Variants in KIF19 observed in about 807,000 individuals in gnomAD.
The protein encoded by KIF19 is kinesin-like protein KIF19.
Under a neutral mutation model 106.6 loss-of-function variants are expected in KIF19, and 98 were observed. The observed-to-expected ratio is 0.92, with a 90% CI of 0.78 to 1.09. The LOEUF is 1.09. KIF19 is among the 50% of genes least tolerant of loss of function. The pLI is 0.00. For missense variants in KIF19, 1,373 were observed against 1,414.3 expected (o/e 0.97, Z 0.47); for synonymous variants, 516 against 584.2 (o/e 0.88, Z 1.68).
In KIF19 at chr17:74,344,742, T is replaced by C; in HGVS notation, c.583-19T>C. 1 of 1,593,636 alleles carries C rather than the reference T, an allele frequency of 6.3e-7. No individual in the cohort carries two copies. The highest frequency in any genetic ancestry group is 1.1e-5 in the South Asian group (1 of 90,264). On this transcript the variant is annotated intron_variant, in intron 6 of 19. Coordinates refer to ENST00000389916, the MANE Select transcript of KIF19 (RefSeq NM_153209.4). The stretch of plus-strand genomic sequence containing the variant: ...CCTACGGCAGTCGCTAAGAGCTGCC[T>C]CTCCTCCCTCCCACCCAGATCATGC...
intron 10 of KIF19, 46 bp downstream of exon 10, chr17:74,349,395 T>C (rs1598394626): frequency 6.6e-7 from 1 of 1,524,064 alleles, no homozygotes; most frequent in Non-Finnish European, 8.8e-7. Context: ...CCGGCCAGCC[T>C]CACGTTGCTC....
In KIF19 at chr17:74,345,028, C is replaced by G. The variant is rs567779129; in HGVS notation, c.777+73C>G. 2.6e-5 allele frequency: 36 copies of G among 1,399,272 alleles called. No individual in the cohort carries two copies. In the African/African-American group the frequency reaches 4.7e-4, roughly 18 times the overall value. The allele number at this position is 1,399,272 out of a possible 1,614,324, so 86.7% of individuals were successfully genotyped here. A position where few individuals can be genotyped will look rare whatever the true frequency, so the allele number is the denominator to read the frequency against. ...CAACAGCGGAGGGCAGGAATGGTGA[C>G]TCCCATGCAAGGCCAGCACCACAGG... On this transcript the variant is annotated intron_variant, in intron 7 of 19. Transcript: ENST00000389916.
rs570449855 is a variant in KIF19 at position 74,347,988 on chromosome 17, T to G, written c.1047+89T>G. The G allele has an allele frequency of 3.2e-4, 455 of 1,443,882 alleles. 3 individuals carry two copies. The African/African-American group carries it at 5.2e-3, about 17-fold the overall frequency. The allele number at this position is 1,443,882 out of a possible 1,614,324, so 89.4% of individuals were successfully genotyped here. On this transcript the variant is annotated intron_variant, in intron 9 of 19. Transcript: ENST00000389916. ...TGATCCCTGCCACCCCACTGCACTC[T>G]CTGGAACCAGCCACTGCTGCACTGG...
At chr17:74,344,104 G>A (rs778154486) in intron 5 of KIF19, 119 bp from the exon 6 acceptor site, 2 of 963,106 alleles carry the variant, frequency 2.1e-6, no homozygotes, top group Non-Finnish European at 3.0e-6. Context: ...AAGAGCCTGG[G>A]CTCAGGAAGG....
rs1012807545 is a variant in KIF19, at chr17:74,346,189, C to G, written c.778-189C>G. On this transcript the variant is annotated intron_variant, in intron 7 of 19. Transcript: ENST00000389916. The surrounding 1 kb of genome is among the most constrained non-coding windows in gnomAD (Gnocchi z 4.6). The stretch of plus-strand genomic sequence containing the variant: ...CCTCAGAAGCTGTCAGCCCATCACT[C>G]TTGTTCAGAGGCCTCTGGGTCTCTT... Among the ~76,000 whole-genome samples the G allele has an allele frequency of 3.2e-4, 48 of 152,274 alleles. No homozygotes were observed. Among genetic ancestry groups the G allele is most frequent in the African/African-American group, 1.1e-3 (47 of 41,474 alleles).
chr17:74,348,003 T>G (rs1555623347), intron 9 of KIF19, 104 bp downstream of exon 9: 1 of 1,321,008 alleles, frequency 7.6e-7, no homozygotes, highest in Non-Finnish European at 1.0e-6. Context: ...AACCAGCCAC[T>G]GCTGCACTGG....
At chr17:74,342,776 C>T in intron 4 of KIF19, 59 bp downstream of exon 4, 5 of 1,492,410 alleles carry the variant, frequency 3.4e-6, no homozygotes, top group Non-Finnish European at 4.7e-6. Context: ...TCCCCGTCAC[C>T]CTCCAACTAG....
intron 2 of KIF19, among the ~76,000 whole-genome samples, chr17:74,333,863 C>CT (rs368776098): frequency 0.026 from 3,415 of 132,538 alleles, 164 homozygotes; most frequent in African/African-American, 0.084. Context: ...CTTTTTTTTT[C>CT]TTTTTTTTTT....
chr17:74,336,651 G>A (rs1473265748), intron 2 of KIF19, among the ~76,000 whole-genome samples: 1 of 152,172 alleles, frequency 6.6e-6, no homozygotes, highest in Non-Finnish European at 1.5e-5. Flanking sequence ...CCAGGCAGCT[G>A]TTTGTCCACT....
In KIF19 at chr17:74,353,176, T is replaced by C; in HGVS notation, c.2115-20T>C. 6.4e-7 allele frequency: 1 copy of C among 1,563,970 alleles called. No homozygotes were observed. The highest frequency in any genetic ancestry group is 8.7e-7 in the Non-Finnish European group (1 of 1,152,108). Reference sequence around the variant, plus strand: ...AGATAGCCTGGTCTACAGCCACTCATCTTCCTCTGCCAACTTCAGTGAAGG... The same window carrying C: ...AGATAGCCTGGTCTACAGCCACTCACCTTCCTCTGCCAACTTCAGTGAAGG... On this transcript the variant is annotated intron_variant, in intron 15 of 19. Transcript: ENST00000389916.
chr17:74,336,822 A>G (rs1037932713), intron 2 of KIF19, among the ~76,000 whole-genome samples: 1 of 151,510 alleles, frequency 6.6e-6, no homozygotes, highest in African/African-American at 2.4e-5. Context: ...CTCTTTTTTT[A>G]TTTGTTTGTT....
intron 12 of KIF19, chr17:74,351,343 AAAAG>A (rs1334421620): frequency 5.7e-6 from 1 of 176,882 alleles, no homozygotes; most frequent in East Asian, 1.6e-4. Context: ...AAAAAAAAAA[AAAAG>A]CCTAGTGTGG....
At chr17:74,337,437 T>C (rs2054250547) in intron 2 of KIF19, among the ~76,000 whole-genome samples, 1 of 152,142 alleles carries the variant, frequency 6.6e-6, no homozygotes, top group Non-Finnish European at 1.5e-5. Flanking sequence ...CCTTGGCACA[T>C]TGAGTGGAAG....
chr17:74,348,970 T>G, intron 9 of KIF19: 1 of 575,180 alleles, frequency 1.7e-6, no homozygotes, highest in Non-Finnish European at 3.1e-6. Flanking sequence ...GGTGGAGGAA[T>G]GAGGACGTTC....
At chr17:74,333,060 C>T (rs2054135635) in intron 2 of KIF19, among the ~76,000 whole-genome samples, 1 of 152,240 alleles carries the variant, frequency 6.6e-6, no homozygotes, top group Admixed American at 6.5e-5. Context: ...GTCAGCTGCC[C>T]GAGCCCAGAA....
chr17:74,343,090 A>G lies in KIF19; in HGVS notation c.386A>G (p.Asn129Ser), dbSNP rs1444436219. The G allele has an allele frequency of 2.5e-6, 4 of 1,613,316 alleles. No homozygotes were observed. In the South Asian group the frequency reaches 4.4e-5, roughly 18 times the overall value. ...CCTGGCATCTATGTTCAGACCCTCA[A>G]CGACCTCTTCCGTGCCATCGAGGAG... ...QEPGIYVQTLNDLFRAIEETS... is the reference protein window; with the variant it reads ...QEPGIYVQTLSDLFRAIEETS... Residue 129 changes from asparagine to serine, a missense_variant, in exon 5 of 20, where the codon AAC becomes AGC. Transcript: ENST00000389916.
At chr17:74,354,104 G>C (rs1050077776) in intron 17 of KIF19, 58 bp from the exon 18 acceptor site, 1 of 1,531,736 alleles carries the variant, frequency 6.5e-7, no homozygotes, top group Non-Finnish European at 8.8e-7. Flanking sequence ...CATGTCAGAG[G>C]AGGGTGTTGA....
Position 74,352,041 on chromosome 17 carries a change from G to A in KIF19, c.1762G>A (p.Gly588Ser), listed in dbSNP as rs1260939058. ...GCAGTCGCACGCGCTGCTCCGCGAC[G>A]GTGCGCTCCGCCACCGCCACGAGGC... ...EMQSHALLRD[G>S]ALRHRHEAVR... The change falls in exon 13 of 20, where the codon GGT becomes AGT. Residue 588 changes from glycine (G) to serine (S), a missense_variant. Physicochemically the swap from Gly to Ser is moderately conservative, Grantham distance 56. Around this residue, in one of 3 missense-constraint regions of KIF19, gnomAD observed 1,020 missense variants for 1,008.2 expected, o/e 1.01. Transcript: ENST00000389916. 5.1e-6 allele frequency: 8 copies of A among 1,575,922 alleles called. No individual in the cohort carries two copies. Among genetic ancestry groups the A allele is most frequent in the Non-Finnish European group, 6.8e-6 (8 of 1,168,226 alleles).
rs892063582 is a variant in KIF19, at chr17:74,350,920, G to C, written c.1587+15G>C. 2 of 1,612,794 alleles carry C rather than the reference G, an allele frequency of 1.2e-6. No individual in the cohort carries two copies. The highest frequency in any genetic ancestry group is 1.7e-6 in the Non-Finnish European group (2 of 1,179,798). ...GCAAGCAGAAGGTGTCCAGGGTTTG[G>C]GGGGACAAGGAGAGTGGGTTTAGGG... On this transcript the variant is annotated intron_variant, in intron 12 of 19. Coordinates refer to ENST00000389916, the MANE Select transcript of KIF19 (RefSeq NM_153209.4).
Sources: allele counts gnomAD v4.1 joint callset (sites outside exome capture counted in the v4.1 genomes callset), GRCh38; gene constraint gnomAD v4.1.1; regional missense constraint gnomAD v4.1.1; non-coding constraint Gnocchi (gnomAD v3.1); transcripts MANE v1.5; gene names NCBI Gene and HGNC (gene_info 2026-07-23, HGNC 2026-07-21).